The following SDR42E1 variants were observed in gnomAD, a reference collection of about 807,000 sequenced individuals.
SDR42E1 encodes short chain dehydrogenase/reductase family 42E, member 1, also known as short-chain dehydrogenase/reductase family 42E member 1.
SDR42E1 carries 5 observed loss-of-function variants against 2.6 expected under a neutral mutation model. That is an observed-to-expected ratio of 1.94 (90% confidence interval 1.01 to 4.08). SDR42E1 has a LOEUF of 4.08. Ranked by LOEUF, SDR42E1 falls within the 30% of genes most tolerant of loss-of-function variation. SDR42E1 has a pLI of 0.00. For synonymous variants in SDR42E1, 231 were observed against 188.3 expected (o/e 1.23, Z -1.86); for missense variants, 596 against 478.6 (o/e 1.25, Z -2.29).
intron 1 of SDR42E1, among the ~76,000 whole-genome samples, chr16:82,006,564 G>A (rs1387204738): frequency 6.6e-6 from 1 of 152,186 alleles, no homozygotes; most frequent in East Asian, 1.9e-4. Context: ...AGGCTGAGGT[G>A]GGTGGATCAC....
chr16:82,004,657 T>A (rs552164169), intron 1 of SDR42E1, among the ~76,000 whole-genome samples: 10 of 152,340 alleles, frequency 6.6e-5, no homozygotes, highest in African/African-American at 2.4e-4. Context: ...TGTGCCATGA[T>A]GCCTGGCTAA....
Position 81,999,317 on chromosome 16 carries a change from TA to T in SDR42E1, c.975del (p.Phe325LeufsTer3). The stretch of plus-strand genomic sequence containing the variant: ...AGCTCTTTCTTGGCTTTCTCTAAGC[TA>T]AAATAATGTGTGACACCAGTTTTGT... ...EVYKTGVTHY[F>X]SLEKAKKELG... On this transcript the variant is annotated frameshift_variant, in exon 3 of 3. Transcript: ENST00000328945. LOFTEE classifies it low-confidence loss of function (END_TRUNC). 6.2e-7 allele frequency: 1 copy of T among 1,614,226 alleles called. No individual in the cohort carries two copies. Among genetic ancestry groups the T allele is most frequent in the South Asian group, 1.1e-5 (1 of 91,082 alleles).
intron 1 of SDR42E1, among the ~76,000 whole-genome samples, chr16:82,003,475 G>A (rs571538546): frequency 6.6e-6 from 1 of 152,166 alleles, no homozygotes; most frequent in Non-Finnish European, 1.5e-5. Flanking sequence ...TCCATGACCT[G>A]GTCACAATTT....
rs1204266659 is a variant in SDR42E1, at chr16:81,999,851, G to A, written c.442C>T (p.His148Tyr). ...ESLPYLPLHL[H>Y]PDHYSRTKSI... is the part of the protein sequence containing the mutation. The stretch of plus-strand genomic sequence containing the variant: ...TTTGTCCGAGAGTAGTGATCAGGGT[G>A]GAGGTGAAGAGGCAGGTAGGGCAGA... The change falls in exon 3 of 3, where the codon CAC becomes TAC. Residue 148 changes from histidine to tyrosine, a missense_variant. Coordinates refer to ENST00000328945, the MANE Select transcript of SDR42E1 (RefSeq NM_145168.3). 6.2e-7 allele frequency: 1 copy of A among 1,614,176 alleles called. No homozygotes were observed. Among genetic ancestry groups the A allele is most frequent in the Non-Finnish European group, 8.5e-7 (1 of 1,180,022 alleles).
chr16:82,002,352 T>C (rs1912797633), intron 1 of SDR42E1, among the ~76,000 whole-genome samples: 1 of 152,198 alleles, frequency 6.6e-6, no homozygotes, highest in Non-Finnish European at 1.5e-5. Flanking sequence ...GATTTCACTT[T>C]TCTCTTCTGT....
intron 1 of SDR42E1, among the ~76,000 whole-genome samples, chr16:82,008,542 G>T (rs1913023574): frequency 6.6e-6 from 1 of 152,202 alleles, no homozygotes; most frequent in South Asian, 2.1e-4. Flanking sequence ...GAGCAAAAGT[G>T]ACTCGTTATG....
rs1303354669 is a variant in SDR42E1, at chr16:81,990,804, C to G, written c.*8307G>C. 3 of 152,226 alleles carry G rather than the reference C, an allele frequency of 2.0e-5. No homozygotes were observed. The highest frequency in any genetic ancestry group is 4.4e-5 in the Non-Finnish European group (3 of 68,050). 9.4% of individuals were successfully genotyped at this position (152,226 alleles called of 1,614,324 possible). A position where few individuals can be genotyped will look rare whatever the true frequency, so the allele number is the denominator to read the frequency against. On this transcript the variant is annotated 3_prime_UTR_variant, in exon 3 of 3. Coordinates refer to ENST00000328945, the MANE Select transcript of SDR42E1 (RefSeq NM_145168.3). The stretch of plus-strand genomic sequence containing the variant: ...CCCACTACCAAATATTTCTTTTCCA[C>G]TTGGGCCCAAACTTAAGGTATTTGC...
In SDR42E1 at chr16:81,992,707, T is replaced by C. The variant is rs1912454680; in HGVS notation, c.*6404A>G. On this transcript the variant is annotated 3_prime_UTR_variant, in exon 3 of 3. Transcript: ENST00000328945. ...CGAATTACTGCTGATAAATCCCCTGTTGGTTGAAAGACACTTGCCTGGATC... is the reference window on the plus strand; with the variant it reads ...CGAATTACTGCTGATAAATCCCCTGCTGGTTGAAAGACACTTGCCTGGATC... The C allele has an allele frequency of 6.6e-6, 1 of 152,072 alleles. No individual in the cohort carries two copies. The highest frequency in any genetic ancestry group is 1.5e-5 in the Non-Finnish European group (1 of 68,004). 9.4% of individuals were successfully genotyped at this position (152,072 alleles called of 1,614,324 possible). A position where few individuals can be genotyped will look rare whatever the true frequency, so the allele number is the denominator to read the frequency against.
In SDR42E1 at chr16:81,994,222, C is replaced by A. The variant is rs999562577; in HGVS notation, c.*4889G>T. 10 of 152,228 alleles carry A rather than the reference C, an allele frequency of 6.6e-5. No individual in the cohort carries two copies. The highest frequency in any genetic ancestry group is 3.3e-4 in the Admixed American group (5 of 15,286). 9.4% of individuals were successfully genotyped at this position (152,228 alleles called of 1,614,324 possible). ...GGAACCCCAGTGTAGTCACCAGGAC[C>A]TCCTCCCTCTCCATTTTTTGGCTCT... On this transcript the variant is annotated 3_prime_UTR_variant, in exon 3 of 3. Coordinates refer to ENST00000328945, the MANE Select transcript of SDR42E1 (RefSeq NM_145168.3).
chr16:81,995,976 G>A lies in SDR42E1; in HGVS notation c.*3135C>T, dbSNP rs959826461. On this transcript the variant is annotated 3_prime_UTR_variant, in exon 3 of 3. Transcript: ENST00000328945. ...TAGAAAGAGACTTAACAAGAGACAC[G>A]AAATAAACATTATTCAGGCCAAAAG... 4 of 152,204 alleles carry A rather than the reference G, an allele frequency of 2.6e-5. No individual in the cohort carries two copies. The highest frequency in any genetic ancestry group is 6.6e-5 in the Admixed American group (1 of 15,262). 9.4% of individuals were successfully genotyped at this position (152,204 alleles called of 1,614,324 possible). A position where few individuals can be genotyped will look rare whatever the true frequency, so the allele number is the denominator to read the frequency against.
chr16:82,001,835 T>G (rs1334646462), intron 1 of SDR42E1, among the ~76,000 whole-genome samples: 2 of 147,618 alleles, frequency 1.4e-5, no homozygotes, highest in East Asian at 2.0e-4. Flanking sequence ...CCAGGAGGCG[T>G]AGCTGGCAAT....
intron 1 of SDR42E1, among the ~76,000 whole-genome samples, chr16:82,003,127 T>C (rs773102956): frequency 1.3e-5 from 2 of 152,118 alleles, no homozygotes; most frequent in Non-Finnish European, 2.9e-5. Flanking sequence ...TTTGAGGGTA[T>C]GGAGAAGAGT....
chr16:81,997,363 G>A lies in SDR42E1; in HGVS notation c.*1748C>T, dbSNP rs977450283. 1.3e-5 allele frequency: 2 copies of A among 152,058 alleles called. No homozygotes were observed. Among genetic ancestry groups the A allele is most frequent in the African/African-American group, 2.4e-5 (1 of 41,386 alleles). The allele number at this position is 152,058 out of a possible 1,614,324, so 9.4% of individuals were successfully genotyped here. ...CCATCTCCCTCTTCTGGTATAATAC[G>A]GAAATACCTTTGTGTATTTCCTTCC... On this transcript the variant is annotated 3_prime_UTR_variant, in exon 3 of 3. Coordinates refer to ENST00000328945, the MANE Select transcript of SDR42E1 (RefSeq NM_145168.3).
intron 1 of SDR42E1, among the ~76,000 whole-genome samples, chr16:82,003,656 G>T (rs1666449323): frequency 6.6e-6 from 1 of 152,222 alleles, no homozygotes. Context: ...CAAGTCTTCA[G>T]AGAGACTTCT....
intron 1 of SDR42E1, among the ~76,000 whole-genome samples, chr16:82,010,278 G>C (rs140831783): frequency 5.3e-5 from 8 of 152,340 alleles, no homozygotes; most frequent in Admixed American, 2.0e-4. Flanking sequence ...GAGGAAAATA[G>C]ATCAGAGGTT....
At chr16:82,006,803 A>G (rs1567566627) in intron 1 of SDR42E1, among the ~76,000 whole-genome samples, 1 of 151,898 alleles carries the variant, frequency 6.6e-6, no homozygotes, top group Non-Finnish European at 1.5e-5. Context: ...CAAAAAAAAC[A>G]AAAAACAAAA....
chr16:81,998,285 G>A lies in SDR42E1; in HGVS notation c.*826C>T, dbSNP rs1418924628. ...GTTGCTTCATTGTGGCCTTCTTAGA[G>A]GCCTAAACTTTACAAATAGAGTATA... is the stretch of plus-strand genomic sequence containing the variant. On this transcript the variant is annotated 3_prime_UTR_variant, in exon 3 of 3. Coordinates refer to ENST00000328945, the MANE Select transcript of SDR42E1 (RefSeq NM_145168.3). The A allele has an allele frequency of 1.3e-5, 2 of 152,122 alleles. No homozygotes were observed. Among genetic ancestry groups the A allele is most frequent in the South Asian group, 2.1e-4 (1 of 4,824 alleles). 9.4% of individuals were successfully genotyped at this position (152,122 alleles called of 1,614,324 possible). A position where few individuals can be genotyped will look rare whatever the true frequency, so the allele number is the denominator to read the frequency against.
At chr16:82,009,893 G>T (rs1913070636) in intron 1 of SDR42E1, among the ~76,000 whole-genome samples, 1 of 152,186 alleles carries the variant, frequency 6.6e-6, no homozygotes, top group Non-Finnish European at 1.5e-5. Context: ...GTCCTGGGAG[G>T]GACCCAGTGG....
intron 1 of SDR42E1, among the ~76,000 whole-genome samples, chr16:82,005,418 C>T (rs530284424): frequency 1.3e-5 from 2 of 152,180 alleles, no homozygotes; most frequent in Non-Finnish European, 2.9e-5. Flanking sequence ...GCCAGTAAAG[C>T]CTTCACAGGA....
Sources: allele counts gnomAD v4.1 joint callset (sites outside exome capture counted in the v4.1 genomes callset), GRCh38; gene constraint gnomAD v4.1.1; transcripts MANE v1.5; gene names NCBI Gene and HGNC (gene_info 2026-07-23, HGNC 2026-07-21).